The following ANKRD55 variants were observed in gnomAD, a reference collection of about 807,000 sequenced individuals.
ANKRD55 encodes ankyrin repeat domain 55.
Under a neutral mutation model 60.6 loss-of-function variants are expected in ANKRD55, and 41 were observed. That is an observed-to-expected ratio of 0.68 (90% CI 0.53 to 0.88). The LOEUF (loss-of-function observed/expected upper bound fraction) is 0.88. Ranked by LOEUF, ANKRD55 falls within the 40% of genes least tolerant of loss-of-function variation. The pLI is 0.00. For missense variants in ANKRD55, 732 were observed against 767.6 expected (o/e 0.95, Z 0.55); for synonymous variants, 264 against 290.3 (o/e 0.91, Z 0.92).
At chr5:56,213,190 G>A (rs572309116) in intron 2 of ANKRD55, among the ~76,000 whole-genome samples, 20 of 152,214 alleles carry the variant, frequency 1.3e-4, no homozygotes, top group African/African-American at 4.3e-4. Flanking sequence ...TTCAATCAAA[G>A]TTCCAACAAT....
intron 4 of ANKRD55, among the ~76,000 whole-genome samples, chr5:56,173,576 CTCTCTCTATATA>C (rs1250302918): frequency 3.2e-4 from 27 of 85,414 alleles, no homozygotes; most frequent in African/African-American, 1.1e-3. Context: ...CTCTCTCTCT[CTCTCTCTATATA>C]TATATATATA....
At chr5:56,188,369 C>CA (rs58369527) in intron 2 of ANKRD55, among the ~76,000 whole-genome samples, 50,381 of 148,446 alleles carry the variant, frequency 0.34, 10,309 homozygotes, top group East Asian at 0.58. Flanking sequence ...CCCCTACAAC[C>CA]AAAAAAAAAG....
At chr5:56,207,538 A>G (rs1759542729) in intron 2 of ANKRD55, among the ~76,000 whole-genome samples, 1 of 152,210 alleles carries the variant, frequency 6.6e-6, no homozygotes, top group South Asian at 2.1e-4. Flanking sequence ...ATAGCCCACT[A>G]CACACCCAGA....
intron 7 of ANKRD55, among the ~76,000 whole-genome samples, chr5:56,133,233 G>A (rs972209665): frequency 1.3e-4 from 19 of 150,264 alleles, no homozygotes; most frequent in Admixed American, 3.9e-4. Flanking sequence ...AAGGTCGGGA[G>A]TTCGAGACCA....
At position 56,115,944 on chromosome 5, in the gene ANKRD55, G is replaced by A. The variant is rs142270172; in HGVS notation, c.965+671C>T. ...ATCTCGGGTCACTGCAAACTCCATC[G>A]CCCAGGTTCAAGCTATTCTCTTGCC... is the stretch of plus-strand genomic sequence containing the variant. On this transcript the variant is annotated intron_variant, in intron 9 of 11. Coordinates refer to ENST00000341048, the MANE Select transcript of ANKRD55 (RefSeq NM_024669.3). 4.4e-3 allele frequency among the ~76,000 whole-genome samples: 674 copies of A among 151,594 alleles called. 1 individual carries two copies. The highest frequency in any genetic ancestry group is 0.015 in the African/African-American group (617 of 41,290).
intron 6 of ANKRD55, among the ~76,000 whole-genome samples, chr5:56,151,506 CATATCTAGATATAAT>C (rs1198393155): frequency 6.6e-6 from 1 of 152,026 alleles, no homozygotes; most frequent in African/African-American, 2.4e-5. Context: ...CTAGATATAA[CATATCTAGATATAAT>C]ATATATCTAG....
Position 56,170,688 on chromosome 5 carries a change from A to G in ANKRD55, c.422+6T>C, listed in dbSNP as rs1484206312. ...ACTTGAGCATCATGTAAACCTGGCC[A>G]CTTACCTCATATCGGGCTCAGCAGT... On this transcript the variant is annotated splice_donor_region_variant and intron_variant, in intron 5 of 11. Coordinates refer to ENST00000341048, the MANE Select transcript of ANKRD55 (RefSeq NM_024669.3). 2 of 1,613,314 alleles carry G rather than the reference A, an allele frequency of 1.2e-6. No individual in the cohort carries two copies. The highest frequency in any genetic ancestry group is 2.7e-5 in the African/African-American group (2 of 74,886).
intron 6 of ANKRD55, among the ~76,000 whole-genome samples, chr5:56,144,254 T>A (rs910226344): frequency 6.6e-6 from 1 of 152,144 alleles, no homozygotes; most frequent in Non-Finnish European, 1.5e-5. Context: ...ATAAATACTA[T>A]GAAGAATGCA....
chr5:56,146,533 G>A (rs1479497197), intron 6 of ANKRD55, among the ~76,000 whole-genome samples: 1 of 152,078 alleles, frequency 6.6e-6, no homozygotes, highest in Non-Finnish European at 1.5e-5. Flanking sequence ...GCCCACCTCA[G>A]CCTCCCAAAA....
At chr5:56,218,934 T>C (rs1759891843) in intron 2 of ANKRD55, among the ~76,000 whole-genome samples, 1 of 152,212 alleles carries the variant, frequency 6.6e-6, no homozygotes, top group Non-Finnish European at 1.5e-5. Context: ...TGTTTTTTTA[T>C]ATGATTCTTA....
At chr5:56,213,675 A>G (rs1759733206) in intron 2 of ANKRD55, among the ~76,000 whole-genome samples, 1 of 152,248 alleles carries the variant, frequency 6.6e-6, no homozygotes, top group Admixed American at 6.5e-5. Context: ...GGCAGATGGA[A>G]GTAAACAGAT....
At chr5:56,204,401 A>G (rs36756) in intron 2 of ANKRD55, among the ~76,000 whole-genome samples, 67,243 of 152,074 alleles carry the variant, frequency 0.44, 18,938 homozygotes, top group African/African-American at 0.79. Context: ...GTCCTTGCCC[A>G]TGCCTATGTC....
chr5:56,218,156 A>G (rs1014061260), intron 2 of ANKRD55, among the ~76,000 whole-genome samples: 3 of 152,236 alleles, frequency 2.0e-5, no homozygotes, highest in Admixed American at 6.5e-5. Flanking sequence ...TCTTGAGATC[A>G]TATCTACTCC....
At chr5:56,103,803 T>C (rs1325294773) in intron 10 of ANKRD55, among the ~76,000 whole-genome samples, 2 of 152,192 alleles carry the variant, frequency 1.3e-5, no homozygotes, top group East Asian at 3.8e-4. Context: ...TCCTAGACTT[T>C]AAGGGTCTTC....
At chr5:56,201,273 C>T (rs1007918001) in intron 2 of ANKRD55, among the ~76,000 whole-genome samples, 3 of 152,318 alleles carry the variant, frequency 2.0e-5, no homozygotes, top group South Asian at 2.1e-4. Context: ...AGGCCTTACA[C>T]TGCACCACGA....
chr5:56,224,338 G>A (rs1040852583), intron 2 of ANKRD55, among the ~76,000 whole-genome samples: 3 of 152,212 alleles, frequency 2.0e-5, no homozygotes, highest in Non-Finnish European at 4.4e-5. Context: ...ATTTAAGGCA[G>A]TGTGTAGAGG....
At chr5:56,209,848 C>G (rs985447874) in intron 2 of ANKRD55, among the ~76,000 whole-genome samples, 2 of 152,146 alleles carry the variant, frequency 1.3e-5, no homozygotes, top group Non-Finnish European at 2.9e-5. Context: ...GGATTTGACT[C>G]TTTGTGAAAC....
chr5:56,175,183 T>C (rs1758712276), intron 4 of ANKRD55, among the ~76,000 whole-genome samples: 1 of 152,234 alleles, frequency 6.6e-6, no homozygotes, highest in South Asian at 2.1e-4. Context: ...TGGGCAATGC[T>C]TCATTGCAAT....
At chr5:56,185,209 C>A (rs376399840) in intron 2 of ANKRD55, among the ~76,000 whole-genome samples, 1 of 150,222 alleles carries the variant, frequency 6.7e-6, no homozygotes, top group Non-Finnish European at 1.5e-5. Context: ...GGCGACAGAG[C>A]GAGACTCTGT....
Sources: gnomAD v4.1 joint callset for allele counts (sites outside exome capture counted in the v4.1 genomes callset) on GRCh38, gnomAD v4.1.1 for gene constraint, MANE v1.5 for transcripts, NCBI Gene and HGNC (gene_info 2026-07-23, HGNC 2026-07-21) for gene names.